Variants in RXRA observed in about 807,000 individuals in gnomAD.
The protein encoded by RXRA is retinoic acid receptor RXR-alpha.
RXRA carries 5 observed loss-of-function variants against 44.5 expected under a neutral mutation model. The ratio of observed to expected loss-of-function variants is 0.11; its 90% CI spans 0.06 to 0.24. The LOEUF is 0.24. Ranked by LOEUF, RXRA falls within the 10% of genes least tolerant of loss-of-function variation. RXRA has a pLI of 1.00. For synonymous variants in RXRA, 291 were observed against 271.4 expected (o/e 1.07, Z -0.71); for missense variants, 412 against 646.5 (o/e 0.64, Z 3.93).
intron 1 of RXRA, among the ~76,000 whole-genome samples, chr9:134,401,184 G>A (rs553868874): frequency 3.3e-5 from 5 of 152,334 alleles, no homozygotes; most frequent in South Asian, 2.1e-4. Context: ...GCAGGTGCTC[G>A]GCGACATCAG....
intron 4 of RXRA, among the ~76,000 whole-genome samples, chr9:134,414,408 C>G (rs1043644148): frequency 1.3e-5 from 2 of 152,250 alleles, no homozygotes; most frequent in African/African-American, 4.8e-5. Context: ...CAGCTCTGAG[C>G]ACCTCCAGGC....
rs1048872063 is a variant in RXRA, at chr9:134,417,399, C to G, written c.780+72C>G. On this transcript the variant is annotated intron_variant, in intron 5 of 9. Transcript: ENST00000481739. The surrounding 1 kb of genome is among the most constrained non-coding windows in gnomAD (Gnocchi z 6.1). ...TTCCCTCACTCACTCACCCTCCCAC[C>G]TGAGCAGCTGATGAGCCAGAGAGGT... The G allele has an allele frequency of 1.3e-6, 2 of 1,534,134 alleles. No homozygotes were observed. Among genetic ancestry groups the G allele is most frequent in the Admixed American group, 3.6e-5 (2 of 55,906 alleles).
chr9:134,369,335 T>G, intron 1 of RXRA, among the ~76,000 whole-genome samples: 2 of 67,164 alleles, frequency 3.0e-5, no homozygotes, highest in African/African-American at 7.5e-5. Context: ...TGGGGGGGGT[T>G]ATGTGTGTGT....
chr9:134,419,512 A>G (rs1017828178), intron 5 of RXRA, among the ~76,000 whole-genome samples: 1 of 152,166 alleles, frequency 6.6e-6, no homozygotes, highest in African/African-American at 2.4e-5. Flanking sequence ...TCCAACTTCC[A>G]GAACCGCTCA....
At chr9:134,382,854 C>T (rs896635813) in intron 1 of RXRA, among the ~76,000 whole-genome samples, 5 of 152,172 alleles carry the variant, frequency 3.3e-5, no homozygotes, top group Non-Finnish European at 5.9e-5. Context: ...GAGCAGCGTT[C>T]GGCGAGTGTG....
chr9:134,401,673 G>C lies in RXRA; in HGVS notation c.70G>C (p.Gly24Arg). 1.9e-6 allele frequency: 3 copies of C among 1,613,014 alleles called. No homozygotes were observed. Among genetic ancestry groups the C allele is most frequent in the Non-Finnish European group, 2.5e-6 (3 of 1,179,946 alleles). Residue 24 changes from glycine (G) to arginine (R), a missense_variant, in exon 2 of 10, where the codon GGG (glycine) becomes CGG (arginine). Physicochemically the swap from Gly to Arg is moderately radical, Grantham distance 125 (BLOSUM62 -2). Coordinates refer to ENST00000481739, the MANE Select transcript of RXRA (RefSeq NM_002957.6). ...QVNSSLTSPT[G>R]RGSMAAPSLH... ...GAACTCCTCCCTCACCTCCCCGACG[G>C]GGCGAGGCTCCATGGCTGCCCCCTC...
At chr9:134,387,859 G>A (rs1013549294) in intron 1 of RXRA, among the ~76,000 whole-genome samples, 17 of 152,170 alleles carry the variant, frequency 1.1e-4, no homozygotes, top group African/African-American at 4.1e-4. Context: ...TGGAGTGATC[G>A]TGAAGGCCCG....
chr9:134,400,109 G>A (rs1392173850), intron 1 of RXRA, among the ~76,000 whole-genome samples: 1 of 152,244 alleles, frequency 6.6e-6, no homozygotes, highest in Non-Finnish European at 1.5e-5. Context: ...GGAGTGGCCC[G>A]AGTTTCCACG....
intron 1 of RXRA, among the ~76,000 whole-genome samples, chr9:134,329,668 C>T (rs1225296128): frequency 6.6e-6 from 1 of 152,170 alleles, no homozygotes; most frequent in Non-Finnish European, 1.5e-5. Flanking sequence ...CTGTGACTGG[C>T]TCCCGGCTCT....
chr9:134,429,310 A>T (rs1536475), intron 7 of RXRA, 70 bp downstream of exon 7: 1 of 1,530,534 alleles, frequency 6.5e-7, no homozygotes, highest in Admixed American at 1.8e-5. Flanking sequence ...GAGTTCAGCC[A>T]CCTTGGCCCC....
intron 1 of RXRA, among the ~76,000 whole-genome samples, chr9:134,378,152 CG>C (rs776625904): frequency 6.6e-5 from 10 of 152,328 alleles, no homozygotes; most frequent in Admixed American, 1.3e-4. Context: ...TGGGCAGGGC[CG>C]GGGCAGAGGG....
At chr9:134,373,507 T>G (rs564563105) in intron 1 of RXRA, among the ~76,000 whole-genome samples, 1 of 152,374 alleles carries the variant, frequency 6.6e-6, no homozygotes, top group Admixed American at 6.5e-5. Flanking sequence ...GCTGCGGTCC[T>G]TGGCCACGAG....
intron 1 of RXRA, among the ~76,000 whole-genome samples, chr9:134,386,795 CCTGGGCT>C (rs1294528372): frequency 2.0e-5 from 3 of 152,182 alleles, no homozygotes; most frequent in South Asian, 2.1e-4. Context: ...AGAAGAAAGA[CCTGGGCT>C]CTGGGCTCTG....
rs1554748295 is a variant in RXRA, at chr9:134,343,032, T to C, written c.28+16373T>C. On this transcript the variant is annotated intron_variant, in intron 1 of 9. Coordinates refer to ENST00000481739, the MANE Select transcript of RXRA (RefSeq NM_002957.6). This position sits in a 1 kb window ranked among gnomAD's most constrained non-coding sequence, Gnocchi z 4.1. ...CTTCTAGAGAGGCCCCAGCAGATTA[T>C]GGGATTTTCACCTGCCCAGCCCTGG... 6.6e-6 allele frequency among the ~76,000 whole-genome samples: 1 copy of C among 152,086 alleles called. No individual in the cohort carries two copies. The highest frequency in any genetic ancestry group is 1.5e-5 in the Non-Finnish European group (1 of 67,988).
chr9:134,371,812 C>T (rs916782808), intron 1 of RXRA, among the ~76,000 whole-genome samples: 1 of 152,228 alleles, frequency 6.6e-6, no homozygotes, highest in Non-Finnish European at 1.5e-5. Context: ...AGTGCAGGGC[C>T]GGGCCTGTCT....
chr9:134,367,211 C>G (rs1830425274), intron 1 of RXRA, among the ~76,000 whole-genome samples: 1 of 152,198 alleles, frequency 6.6e-6, no homozygotes, highest in African/African-American at 2.4e-5. Flanking sequence ...CCGCCTGACC[C>G]CACCAGCCAC....
intron 1 of RXRA, among the ~76,000 whole-genome samples, chr9:134,359,268 A>C (rs1182739005): frequency 6.6e-6 from 1 of 152,108 alleles, no homozygotes; most frequent in African/African-American, 2.4e-5. Flanking sequence ...TGGGGTCCTC[A>C]GGCGTTGGCT....
At chr9:134,368,592 G>T (rs1408680053) in intron 1 of RXRA, among the ~76,000 whole-genome samples, 1 of 151,974 alleles carries the variant, frequency 6.6e-6, no homozygotes, top group Admixed American at 6.6e-5. Context: ...GTGACTGTAG[G>T]TGACTGTGAG....
At chr9:134,429,476 C>T (rs1314415655) in intron 7 of RXRA, among the ~76,000 whole-genome samples, 1 of 152,254 alleles carries the variant, frequency 6.6e-6, no homozygotes, top group African/African-American at 2.4e-5. Flanking sequence ...TCCATCTCTT[C>T]TTTTTTCACG....
Sources: gnomAD v4.1 joint callset for allele counts (sites outside exome capture counted in the v4.1 genomes callset) on GRCh38, gnomAD v4.1.1 for gene constraint, Gnocchi (gnomAD v3.1) non-coding constraint, MANE v1.5 for transcripts, NCBI Gene and HGNC (gene_info 2026-07-23, HGNC 2026-07-21) for gene names.